The following DIAPH3 variants were observed in gnomAD, a reference collection of about 807,000 sequenced individuals.
DIAPH3 encodes diaphanous related formin 3.
In DIAPH3, 117 loss-of-function variants were observed where a neutral mutation model predicts 144.3. The ratio of observed to expected loss-of-function variants is 0.81; its 90% CI spans 0.70 to 0.95. DIAPH3 has a LOEUF of 0.95. Among genes scored for constraint, DIAPH3 ranks in the 40% least tolerant of loss-of-function variants. DIAPH3 has a pLI of 0.00. For missense variants in DIAPH3, 1,421 were observed against 1,412.7 expected (o/e 1.01, Z -0.09); for synonymous variants, 519 against 488.9 (o/e 1.06, Z -0.81).
At chr13:60,109,985 C>T (rs188006360) in intron 3 of DIAPH3, among the ~76,000 whole-genome samples, 1 of 152,290 alleles carries the variant, frequency 6.6e-6, no homozygotes, top group East Asian at 1.9e-4. Flanking sequence ...TTCAACACCA[C>T]TTTTAAGAAT....
chr13:59,707,740 C>T (rs1249047905), intron 27 of DIAPH3, among the ~76,000 whole-genome samples: 4 of 152,110 alleles, frequency 2.6e-5, no homozygotes, highest in African/African-American at 4.8e-5. Flanking sequence ...TACAAACTCC[C>T]TTCACTGCTG....
chr13:59,970,955 A>C lies in DIAPH3; in HGVS notation c.1856T>G (p.Leu619Arg). Residue 619 changes from leucine to arginine, a missense_variant, in exon 16 of 28, where the codon CTT becomes CGT. Coordinates refer to ENST00000400324, the MANE Select transcript of DIAPH3 (RefSeq NM_001042517.2). ...TAGAGGAGGAGAATTTTGTCCTCCA[A>C]GGAATCCCAGGGGAGGTGGTGGAGG... The part of the protein sequence containing the change: ...PVPPPPPLGF[L>R]GGQNSPPLPI... The C allele has an allele frequency of 1.2e-6, 2 of 1,613,816 alleles. No individual in the cohort carries two copies. Among genetic ancestry groups the C allele is most frequent in the Non-Finnish European group, 1.7e-6 (2 of 1,179,908 alleles).
intron 1 of DIAPH3, among the ~76,000 whole-genome samples, chr13:60,162,403 G>A (rs1952333718): frequency 1.3e-5 from 2 of 152,106 alleles, no homozygotes; most frequent in Admixed American, 1.3e-4. Flanking sequence ...TTGCCTTAGT[G>A]GATTCTTCTC....
rs535481524 is a variant in DIAPH3, at chr13:60,005,761, A to G, written c.1014+2783T>C. 3.8e-4 allele frequency among the ~76,000 whole-genome samples: 58 copies of G among 152,290 alleles called. 1 individual carries two copies. Among genetic ancestry groups the G allele is most frequent in the Middle Eastern group, 3.4e-3 (1 of 294 alleles). ...CTCCCAAAGTGCTAGGATTACAGGCATGAGCCACCACAACCTGACCTGAAA... is the reference window on the plus strand; with the variant it reads ...CTCCCAAAGTGCTAGGATTACAGGCGTGAGCCACCACAACCTGACCTGAAA... On this transcript the variant is annotated intron_variant, in intron 9 of 27. Coordinates refer to ENST00000400324, the MANE Select transcript of DIAPH3 (RefSeq NM_001042517.2).
rs893428410 is a variant in DIAPH3, at chr13:60,018,256, T to C, written c.627-2111A>G. Reference sequence around the variant, plus strand: ...TCATACTGCTATCACCTTTAATCATTGTGAAGAATAAAATCACTGTTCATC... The same window carrying C: ...TCATACTGCTATCACCTTTAATCATCGTGAAGAATAAAATCACTGTTCATC... On this transcript the variant is annotated intron_variant, in intron 5 of 27. Coordinates refer to ENST00000400324, the MANE Select transcript of DIAPH3 (RefSeq NM_001042517.2). Among the ~76,000 whole-genome samples, 4 of 152,338 alleles carry C rather than the reference T, an allele frequency of 2.6e-5. No individual in the cohort carries two copies. In the South Asian group the frequency reaches 6.2e-4, roughly 24 times the overall value.
At chr13:59,828,902 A>T (rs1593581764) in intron 24 of DIAPH3, among the ~76,000 whole-genome samples, 1 of 152,040 alleles carries the variant, frequency 6.6e-6, no homozygotes, top group East Asian at 1.9e-4. Context: ...CCCAGTTGAG[A>T]ATTCTCAAGT....
intron 24 of DIAPH3, among the ~76,000 whole-genome samples, chr13:59,828,736 T>G (rs1302234758): frequency 6.6e-6 from 1 of 151,564 alleles, no homozygotes. Flanking sequence ...GTTGTTTTGG[T>G]TTTGTTCTGT....
At chr13:60,014,430 T>C (rs918121734) in intron 7 of DIAPH3, among the ~76,000 whole-genome samples, 1 of 152,164 alleles carries the variant, frequency 6.6e-6, no homozygotes, top group Non-Finnish European at 1.5e-5. Flanking sequence ...CATCACATAT[T>C]TTCTTTGAAA....
At chr13:60,047,226 CAGAAG>C (rs1220882289) in intron 4 of DIAPH3, among the ~76,000 whole-genome samples, 1 of 151,298 alleles carries the variant, frequency 6.6e-6, no homozygotes, top group African/African-American at 2.4e-5. Flanking sequence ...ACTCACAGAA[CAGAAG>C]AATTAATTTT....
intron 4 of DIAPH3, among the ~76,000 whole-genome samples, chr13:60,061,444 G>A (rs897245853): frequency 2.8e-4 from 42 of 152,070 alleles, no homozygotes; most frequent in African/African-American, 9.4e-4. Context: ...ACTGAGACAT[G>A]AGCCTCTCCA....
At chr13:59,950,301 T>A (rs557572732) in intron 17 of DIAPH3, among the ~76,000 whole-genome samples, 6 of 152,254 alleles carry the variant, frequency 3.9e-5, no homozygotes, top group South Asian at 4.1e-4. Flanking sequence ...TCACTGCTGA[T>A]CTTTAGCTCC....
intron 12 of DIAPH3, among the ~76,000 whole-genome samples, chr13:59,990,722 G>A (rs1225095863): frequency 2.0e-5 from 3 of 151,828 alleles, no homozygotes; most frequent in African/African-American, 7.3e-5. Flanking sequence ...CATTTGTCTG[G>A]CTTTTTGATA....
At chr13:59,947,733 T>TA (rs531684302) in intron 17 of DIAPH3, among the ~76,000 whole-genome samples, 10,625 of 144,210 alleles carry the variant, frequency 0.074, 401 homozygotes, top group Admixed American at 0.11. Flanking sequence ...ACTCTGTATT[T>TA]AAAAAAAAAA....
intron 5 of DIAPH3, among the ~76,000 whole-genome samples, chr13:60,039,139 A>G (rs560553014): frequency 1.3e-5 from 2 of 152,136 alleles, no homozygotes; most frequent in East Asian, 3.9e-4. Context: ...TCTAGTATTT[A>G]GCATACTGAT....
chr13:59,879,142 T>TA (rs1312160945), intron 21 of DIAPH3, 87 bp downstream of exon 21: 17 of 1,569,522 alleles, frequency 1.1e-5, no homozygotes, highest in Admixed American at 5.2e-5. Flanking sequence ...CACATCAAAA[T>TA]AAAAAAATAT....
intron 27 of DIAPH3, among the ~76,000 whole-genome samples, chr13:59,741,949 C>G (rs1407815077): frequency 6.6e-6 from 1 of 151,990 alleles, no homozygotes; most frequent in African/African-American, 2.4e-5. Flanking sequence ...AAGACATACC[C>G]AAGACTGGGT....
At chr13:59,825,202 A>ATC (rs1265303854) in intron 24 of DIAPH3, among the ~76,000 whole-genome samples, 2 of 151,490 alleles carry the variant, frequency 1.3e-5, no homozygotes, top group African/African-American at 4.9e-5. Context: ...CCTACCCCAC[A>ATC]ACAGTCCCCA....
intron 5 of DIAPH3, among the ~76,000 whole-genome samples, chr13:60,040,666 G>C (rs1399140416): frequency 6.6e-6 from 1 of 152,058 alleles, no homozygotes; most frequent in Non-Finnish European, 1.5e-5. Flanking sequence ...TATTTCCAGT[G>C]CCCACTAGCT....
intron 27 of DIAPH3, among the ~76,000 whole-genome samples, chr13:59,766,927 G>A (rs1447531400): frequency 1.3e-5 from 2 of 152,084 alleles, no homozygotes; most frequent in Non-Finnish European, 2.9e-5. Flanking sequence ...ATCTGTGCTC[G>A]GGTGCTTATC....
Sources: allele counts gnomAD v4.1 joint callset (sites outside exome capture counted in the v4.1 genomes callset), GRCh38; gene constraint gnomAD v4.1.1; transcripts MANE v1.5; gene names NCBI Gene and HGNC (gene_info 2026-07-23, HGNC 2026-07-21).